RFTN1: variants seen among roughly 807,000 people sequenced by gnomAD.
The protein encoded by RFTN1 is raftlin.
A neutral mutation model predicts 46.5 loss-of-function variants in RFTN1; 26 were observed. The observed-to-expected ratio is 0.56, with a 90% CI of 0.41 to 0.78. The LOEUF is 0.78. Ranked by LOEUF, RFTN1 falls within the 30% of genes least tolerant of loss-of-function variation. The probability of loss-of-function intolerance (pLI) is 0.00; values close to 1 mark genes in which losing one functional copy is unlikely to be tolerated. For missense variants in RFTN1, 693 were observed against 718.7 expected (o/e 0.96, Z 0.41); for synonymous variants, 261 against 284.2 (o/e 0.92, Z 0.82).
rs935838322 is a variant in RFTN1, at chr3:16,474,490, A to G, written c.145+19235T>C. On this transcript the variant is annotated intron_variant, in intron 2 of 9. Transcript: ENST00000334133. This position sits in a 1 kb window ranked among gnomAD's most constrained non-coding sequence, Gnocchi z 5.5. The stretch of plus-strand genomic sequence containing the variant: ...AACAAAGGCTGACCATGAGAAAGAT[A>G]CCAGTACACCCCCAGGAAGCCAGCC... Among the ~76,000 whole-genome samples, 4 of 152,222 alleles carry G rather than the reference A, an allele frequency of 2.6e-5. No homozygotes were observed. Among genetic ancestry groups the G allele is most frequent in the African/African-American group, 9.6e-5 (4 of 41,456 alleles).
At chr3:16,395,513 A>G (rs1012498060) in intron 4 of RFTN1, among the ~76,000 whole-genome samples, 4 of 151,752 alleles carry the variant, frequency 2.6e-5, no homozygotes, top group Admixed American at 2.0e-4. Flanking sequence ...TGGTGTGATC[A>G]TAGCTCACTG....
chr3:16,395,632 A>G (rs1441700881), intron 4 of RFTN1, among the ~76,000 whole-genome samples: 1 of 152,174 alleles, frequency 6.6e-6, no homozygotes, highest in Non-Finnish European at 1.5e-5. Context: ...TTATTTTTGT[A>G]GAGACAGGGT....
rs1390533096 is a variant in RFTN1 at position 16,320,753 on chromosome 3, G to A, written c.1332+2623C>T. 6.6e-6 allele frequency among the ~76,000 whole-genome samples: 1 copy of A among 152,050 alleles called. No homozygotes were observed. The highest frequency in any genetic ancestry group is 2.4e-5 in the African/African-American group (1 of 41,418). On this transcript the variant is annotated intron_variant, in intron 9 of 9. Transcript: ENST00000334133. This position sits in a 1 kb window ranked among gnomAD's most constrained non-coding sequence, Gnocchi z 4.5. ...CACGGAAGAACTGGAGGCCACAGAGGAGCTGGAGGCCACAGAGAATGGGAG... is the reference window on the plus strand; with the variant it reads ...CACGGAAGAACTGGAGGCCACAGAGAAGCTGGAGGCCACAGAGAATGGGAG...
Position 16,509,984 on chromosome 3 carries a change from A to G in RFTN1, c.-9+3458T>C, listed in dbSNP as rs1295145881. Among the ~76,000 whole-genome samples, 1 of 152,178 alleles carries G rather than the reference A, an allele frequency of 6.6e-6. No homozygotes were observed. The highest frequency in any genetic ancestry group is 1.9e-4 in the East Asian group (1 of 5,200). On this transcript the variant is annotated intron_variant, in intron 1 of 9. Transcript: ENST00000334133. This position sits in a 1 kb window ranked among gnomAD's most constrained non-coding sequence, Gnocchi z 4.9. Reference sequence around the variant, plus strand: ...ATCCTGGGGTCCCACTCAGACAGAAAAGTTCACTTCCCGTTTCCTAGATCA... The same window carrying G: ...ATCCTGGGGTCCCACTCAGACAGAAGAGTTCACTTCCCGTTTCCTAGATCA...
intron 2 of RFTN1, among the ~76,000 whole-genome samples, chr3:16,464,446 T>C (rs1241745214): frequency 1.3e-5 from 2 of 152,224 alleles, no homozygotes; most frequent in Non-Finnish European, 2.9e-5. Context: ...TTTTATATAG[T>C]TTTTGTTGTT....
intron 1 of RFTN1, among the ~76,000 whole-genome samples, chr3:16,510,881 A>G (rs1314132647): frequency 2.0e-5 from 3 of 152,248 alleles, no homozygotes; most frequent in Non-Finnish European, 2.9e-5. Flanking sequence ...AACTAGAAGA[A>G]AGAAACTAAA....
In RFTN1 at chr3:16,334,623, G is replaced by A. The variant is rs2070672507; in HGVS notation, c.1147-7747C>T. 6.6e-6 allele frequency among the ~76,000 whole-genome samples: 1 copy of A among 152,144 alleles called. No homozygotes were observed. Among genetic ancestry groups the A allele is most frequent in the Non-Finnish European group, 1.5e-5 (1 of 68,036 alleles). ...TACAGGATGAAGAGGGACAATGAGA[G>A]GGAATGAATTCTATTCTAGACACCC... On this transcript the variant is annotated intron_variant, in intron 7 of 9. Coordinates refer to ENST00000334133, the MANE Select transcript of RFTN1 (RefSeq NM_015150.2). This position sits in a 1 kb window ranked among gnomAD's most constrained non-coding sequence, Gnocchi z 4.3.
In RFTN1 at chr3:16,413,282, A is replaced by G. The variant is rs1213340844; in HGVS notation, c.333-3799T>C. On this transcript the variant is annotated intron_variant, in intron 3 of 9. Coordinates refer to ENST00000334133, the MANE Select transcript of RFTN1 (RefSeq NM_015150.2). This position sits in a 1 kb window ranked among gnomAD's most constrained non-coding sequence, Gnocchi z 4.7. Reference sequence around the variant, plus strand: ...GTGTTCTGTGTCCCTGAGGGCAAGGACTATCCTGGGAGACAGAAGTGGACA... The same window carrying G: ...GTGTTCTGTGTCCCTGAGGGCAAGGGCTATCCTGGGAGACAGAAGTGGACA... Among the ~76,000 whole-genome samples, 1 of 152,232 alleles carries G rather than the reference A, an allele frequency of 6.6e-6. No individual in the cohort carries two copies. The highest frequency in any genetic ancestry group is 2.4e-5 in the African/African-American group (1 of 41,466).
chr3:16,409,369 G>T lies in RFTN1; in HGVS notation c.441+6C>A, dbSNP rs77639118. 12,613 of 1,586,018 alleles carry T rather than the reference G, an allele frequency of 8.0e-3. 76 individuals carry two copies. Among genetic ancestry groups the T allele is most frequent in the Non-Finnish European group, 9.7e-3 (11,170 of 1,154,698 alleles). On this transcript the variant is annotated splice_donor_region_variant and intron_variant, in intron 4 of 9. Transcript: ENST00000334133. ...TCTTCAATGGTACCCTGACTGTAGCGCTCACCTTCTTAATGAACTCTGGGA... is the reference window on the plus strand; with the variant it reads ...TCTTCAATGGTACCCTGACTGTAGCTCTCACCTTCTTAATGAACTCTGGGA...
rs1248483915 is a variant in RFTN1 at position 16,426,069 on chromosome 3, C to T, written c.332+7782G>A. ...CCTTAAGCAAGAGCTCTGAATTCACCTTCCTCAATGTCTGCTCTCTGGGAA... is the reference window on the plus strand; with the variant it reads ...CCTTAAGCAAGAGCTCTGAATTCACTTTCCTCAATGTCTGCTCTCTGGGAA... On this transcript the variant is annotated intron_variant, in intron 3 of 9. Coordinates refer to ENST00000334133, the MANE Select transcript of RFTN1 (RefSeq NM_015150.2). This position sits in a 1 kb window ranked among gnomAD's most constrained non-coding sequence, Gnocchi z 5.9. Among the ~76,000 whole-genome samples the T allele has an allele frequency of 4.6e-5, 7 of 152,354 alleles. No individual in the cohort carries two copies. Among genetic ancestry groups the T allele is most frequent in the East Asian group, 1.9e-4 (1 of 5,188 alleles).
rs1397315735 is a variant in RFTN1 at position 16,466,859 on chromosome 3, T to C, written c.145+26866A>G. 1.3e-5 allele frequency among the ~76,000 whole-genome samples: 2 copies of C among 151,888 alleles called. No individual in the cohort carries two copies. The highest frequency in any genetic ancestry group is 4.8e-5 in the African/African-American group (2 of 41,318). ...GCAGTCCATCTTTCTAGACAGTGAG[T>C]ATCTAATACAAGTCAAGACACAGTA... On this transcript the variant is annotated intron_variant, in intron 2 of 9. Coordinates refer to ENST00000334133, the MANE Select transcript of RFTN1 (RefSeq NM_015150.2). This position sits in a 1 kb window ranked among gnomAD's most constrained non-coding sequence, Gnocchi z 5.6.
rs979055700 is a variant in RFTN1 at position 16,473,034 on chromosome 3, A to G, written c.145+20691T>C. 1.3e-5 allele frequency among the ~76,000 whole-genome samples: 2 copies of G among 152,194 alleles called. No homozygotes were observed. Among genetic ancestry groups the G allele is most frequent in the African/African-American group, 4.8e-5 (2 of 41,434 alleles). On this transcript the variant is annotated intron_variant, in intron 2 of 9. Transcript: ENST00000334133. This position sits in a 1 kb window ranked among gnomAD's most constrained non-coding sequence, Gnocchi z 5.3. Reference sequence around the variant, plus strand: ...ATCTCCCTTCTAAATGATACTAGGAAATCTGTTGGCTATAAATGAACTCAT... The same window carrying G: ...ATCTCCCTTCTAAATGATACTAGGAGATCTGTTGGCTATAAATGAACTCAT...
chr3:16,490,541 C>T (rs184636664), intron 2 of RFTN1, among the ~76,000 whole-genome samples: 60 of 152,280 alleles, frequency 3.9e-4, no homozygotes, highest in Admixed American at 2.8e-3. Context: ...GGGGAACCCC[C>T]TAAAGAGTTG....
chr3:16,450,378 G>C lies in RFTN1; in HGVS notation c.146-16341C>G, dbSNP rs2075803224. Among the ~76,000 whole-genome samples the C allele has an allele frequency of 6.6e-6, 1 of 152,206 alleles. No homozygotes were observed. The highest frequency in any genetic ancestry group is 6.5e-5 in the Admixed American group (1 of 15,276). Reference sequence around the variant, plus strand: ...AGGGGAGGCTGAAGAGATAGTGTCTGGCCACATCCAGGTGCACAGAGGTGG... The same window carrying C: ...AGGGGAGGCTGAAGAGATAGTGTCTCGCCACATCCAGGTGCACAGAGGTGG... On this transcript the variant is annotated intron_variant, in intron 2 of 9. Transcript: ENST00000334133. The surrounding 1 kb of genome is among the most constrained non-coding windows in gnomAD (Gnocchi z 4.6).
chr3:16,436,211 C>T (rs954957483), intron 2 of RFTN1, among the ~76,000 whole-genome samples: 4 of 151,774 alleles, frequency 2.6e-5, no homozygotes, highest in Non-Finnish European at 2.9e-5. Context: ...ATCTTTGCCT[C>T]GTGTCCTATT....
Position 16,327,666 on chromosome 3 carries a change from CAGGAGA to C in RFTN1, c.1147-796_1147-791del, listed in dbSNP as rs1200626352. Among the ~76,000 whole-genome samples the C allele has an allele frequency of 6.6e-6, 1 of 151,968 alleles. No individual in the cohort carries two copies. Among genetic ancestry groups the C allele is most frequent in the African/African-American group, 2.4e-5 (1 of 41,370 alleles). ...GTCCCAGCTACTCGGGAGGCTGAGG[CAGGAGA>C]ATGGCGTGAACCCGGGAGGTGGAGC... On this transcript the variant is annotated intron_variant, in intron 7 of 9. Coordinates refer to ENST00000334133, the MANE Select transcript of RFTN1 (RefSeq NM_015150.2). The surrounding 1 kb of genome is among the most constrained non-coding windows in gnomAD (Gnocchi z 4.2).
In RFTN1 at chr3:16,370,105, T is replaced by C; in HGVS notation, c.1001A>G (p.Asn334Ser). 6.2e-7 allele frequency: 1 copy of C among 1,614,256 alleles called. No individual in the cohort carries two copies. The highest frequency in any genetic ancestry group is 8.5e-7 in the Non-Finnish European group (1 of 1,180,038). The change falls in exon 6 of 10, where the codon AAC becomes AGC. Residue 334 changes from asparagine to serine, a missense_variant. Transcript: ENST00000334133. This position sits in a 1 kb window ranked among gnomAD's most constrained non-coding sequence, Gnocchi z 5.5. ...DHFRKGGMLV[N>S]AVFYLGIVND... ...CACTATTCCAAGGTAGAAGACTGCG[T>C]TCACCAGCATGCCTCCTTTCCGGAA...
intron 2 of RFTN1, among the ~76,000 whole-genome samples, chr3:16,463,449 G>C (rs1489567343): frequency 2.0e-5 from 3 of 151,994 alleles, no homozygotes; most frequent in Non-Finnish European, 4.4e-5. Flanking sequence ...TGCTACATAT[G>C]ATCTCTCTGT....
At chr3:16,403,324 C>A (rs903844905) in intron 4 of RFTN1, among the ~76,000 whole-genome samples, 15 of 151,680 alleles carry the variant, frequency 9.9e-5, no homozygotes, top group African/African-American at 3.4e-4. Flanking sequence ...ACAGTTATAA[C>A]ATTGGCAAAC....
Sources: allele counts gnomAD v4.1 joint callset (sites outside exome capture counted in the v4.1 genomes callset), GRCh38; gene constraint gnomAD v4.1.1; non-coding constraint Gnocchi (gnomAD v3.1); transcripts MANE v1.5; gene names NCBI Gene and HGNC (gene_info 2026-07-23, HGNC 2026-07-21).